The following GDI2 variants were observed in gnomAD, a reference collection of about 807,000 sequenced individuals.
GDI2 encodes rab GDP dissociation inhibitor beta.
In GDI2, 22 loss-of-function variants were observed where a neutral mutation model predicts 54.2. The observed-to-expected ratio is 0.41, with a 90% CI of 0.29 to 0.58. GDI2 has a LOEUF of 0.58. Ranked by LOEUF, GDI2 falls within the 20% of genes least tolerant of loss-of-function variation. The pLI is 0.35. For synonymous variants in GDI2, 177 were observed against 182.1 expected (o/e 0.97, Z 0.23); for missense variants, 422 against 546.0 (o/e 0.77, Z 2.26).
chr10:5,809,783 A>G (rs1841450635), intron 1 of GDI2, among the ~76,000 whole-genome samples: 1 of 152,226 alleles, frequency 6.6e-6, no homozygotes, highest in South Asian at 2.1e-4. Context: ...GGGAAGACAG[A>G]GGTAATTGCA....
In GDI2 at chr10:5,768,113, T is replaced by A; in HGVS notation, c.991+100A>T. 1.1e-6 allele frequency: 1 copy of A among 950,820 alleles called. No individual in the cohort carries two copies. Among genetic ancestry groups the A allele is most frequent in the Non-Finnish European group, 1.6e-6 (1 of 611,740 alleles). 58.9% of individuals were successfully genotyped at this position (950,820 alleles called of 1,614,324 possible). The stretch of plus-strand genomic sequence containing the variant: ...TCCCCCATATGTAAACCAAGGTCTG[T>A]TCACTAATACAGCATACAAAATTAG... On this transcript the variant is annotated intron_variant, in intron 8 of 10. Transcript: ENST00000380191. The surrounding 1 kb of genome is among the most constrained non-coding windows in gnomAD (Gnocchi z 4.4).
chr10:5,812,203 T>C (rs1188576913), intron 1 of GDI2, among the ~76,000 whole-genome samples: 1 of 126,940 alleles, frequency 7.9e-6, no homozygotes, highest in Non-Finnish European at 1.7e-5. Flanking sequence ...AGATGAACAT[T>C]TAAAAAAAAA....
chr10:5,801,283 T>TGATGA (rs1172884202), intron 1 of GDI2, among the ~76,000 whole-genome samples: 2 of 152,160 alleles, frequency 1.3e-5, no homozygotes, highest in Admixed American at 1.3e-4. Context: ...ACACTTCCAC[T>TGATGA]GATGATGTAA....
rs537015151 is a variant in GDI2, at chr10:5,765,931, C to T, written c.*75G>A. 1.9e-6 allele frequency: 2 copies of T among 1,067,040 alleles called. No homozygotes were observed. The highest frequency in any genetic ancestry group is 3.2e-5 in the South Asian group (2 of 62,684). 66.1% of individuals were successfully genotyped at this position (1,067,040 alleles called of 1,614,324 possible). ...ATTTTCATTACAAAAGCAGGCCTTA[C>T]AATATTGATTTCATTATATGCATTA... On this transcript the variant is annotated 3_prime_UTR_variant, in exon 11 of 11. Transcript: ENST00000380191.
Position 5,813,191 on chromosome 10 carries a change from G to A in GDI2, c.45+23C>T, listed in dbSNP as rs748162519. 10 of 1,513,690 alleles carry A rather than the reference G, an allele frequency of 6.6e-6. No homozygotes were observed. The South Asian group carries it at 8.4e-5, about 13-fold the overall frequency. The allele number at this position is 1,513,690 out of a possible 1,614,324, so 93.8% of individuals were successfully genotyped here. A position where few individuals can be genotyped will look rare whatever the true frequency, so the allele number is the denominator to read the frequency against. On this transcript the variant is annotated intron_variant, in intron 1 of 10. Transcript: ENST00000380191. ...GCGCCCGCCCCGGCTGCTCAGCCCCGGCCCCTCAGCCCTGGCGCCCACCGT... is the reference window on the plus strand; with the variant it reads ...GCGCCCGCCCCGGCTGCTCAGCCCCAGCCCCTCAGCCCTGGCGCCCACCGT...
At chr10:5,813,127 G>T in intron 1 of GDI2, 87 bp downstream of exon 1, 1 of 771,060 alleles carries the variant, frequency 1.3e-6, no homozygotes, top group Non-Finnish European at 2.0e-6. Flanking sequence ...CGAGACCCCC[G>T]AGGAGCTGCG....
intron 1 of GDI2, among the ~76,000 whole-genome samples, 178 bp from the exon 2 acceptor site, chr10:5,800,883 T>G (rs1305546057): frequency 6.6e-6 from 1 of 152,198 alleles, no homozygotes; most frequent in African/African-American, 2.4e-5. Context: ...GTCTGTGGGC[T>G]CCTATGCATC....
At chr10:5,782,966 A>G (rs532265498) in intron 6 of GDI2, among the ~76,000 whole-genome samples, 159 of 152,354 alleles carry the variant, frequency 1.0e-3, no homozygotes, top group Non-Finnish European at 2.0e-3. Context: ...ATGCATCAAT[A>G]TGGATGAATC....
At chr10:5,778,350 A>AAT (rs1840673001) in intron 6 of GDI2, among the ~76,000 whole-genome samples, 1 of 152,250 alleles carries the variant, frequency 6.6e-6, no homozygotes, top group African/African-American at 2.4e-5. Context: ...GCAAAACTTA[A>AAT]ATAATATGGT....
chr10:5,774,569 G>A lies in GDI2; in HGVS notation c.720-628C>T, dbSNP rs181997350. Reference sequence around the variant, plus strand: ...ACCAATCACCGGAACAGTTCCTCTCGGCCGCAGCGGCTCTGCATCCATAGC... The same window carrying A: ...ACCAATCACCGGAACAGTTCCTCTCAGCCGCAGCGGCTCTGCATCCATAGC... On this transcript the variant is annotated intron_variant, in intron 6 of 10. Coordinates refer to ENST00000380191, the MANE Select transcript of GDI2 (RefSeq NM_001494.4). This position sits in a 1 kb window ranked among gnomAD's most constrained non-coding sequence, Gnocchi z 4.8. Among the ~76,000 whole-genome samples the A allele has an allele frequency of 9.2e-5, 14 of 152,034 alleles. 1 individual carries two copies. The highest frequency in any genetic ancestry group is 7.7e-4 in the East Asian group (4 of 5,168).
chr10:5,811,820 C>G, intron 1 of GDI2: 1 of 462,796 alleles, frequency 2.2e-6, no homozygotes, highest in Non-Finnish European at 3.9e-6. Flanking sequence ...TTGCATATAA[C>G]TATAAACAGA....
At chr10:5,767,050 A>C (rs1039981620) in intron 8 of GDI2, among the ~76,000 whole-genome samples, 1 of 152,244 alleles carries the variant, frequency 6.6e-6, no homozygotes, top group Non-Finnish European at 1.5e-5. Flanking sequence ...ACAGTAATGT[A>C]AAACTGCAGA....
At chr10:5,781,832 C>T (rs72772367) in intron 6 of GDI2, among the ~76,000 whole-genome samples, 2,561 of 151,842 alleles carry the variant, frequency 0.017, 23 homozygotes, top group Middle Eastern at 0.041. Flanking sequence ...TGTTCAATAA[C>T]GGCAAAACCC....
chr10:5,812,517 C>G (rs1034992304), intron 1 of GDI2, among the ~76,000 whole-genome samples: 1 of 152,160 alleles, frequency 6.6e-6, no homozygotes, highest in Non-Finnish European at 1.5e-5. Context: ...CGGCGAAGGT[C>G]AGGTGCGAAA....
intron 6 of GDI2, among the ~76,000 whole-genome samples, chr10:5,781,382 C>T (rs1840750370): frequency 6.6e-6 from 1 of 151,882 alleles, no homozygotes; most frequent in South Asian, 2.1e-4. Flanking sequence ...AATCCCAGCA[C>T]TTTGGGAGGC....
chr10:5,785,963 T>C lies in GDI2; in HGVS notation c.476A>G (p.Glu159Gly). 1 of 1,612,574 alleles carries C rather than the reference T, an allele frequency of 6.2e-7. No homozygotes were observed. The highest frequency in any genetic ancestry group is 8.5e-7 in the Non-Finnish European group (1 of 1,178,604). ...NFDEKDPRTFEGIDPKKTTMR... is the reference protein window; with the variant it reads ...NFDEKDPRTFGGIDPKKTTMR... ...TGTGGTCTTCTTAGGATCAATGCCT[T>C]CAAAAGTTCTTGGATCTTTTTCATC... Residue 159 changes from glutamate to glycine, a missense_variant, in exon 5 of 11, where the codon GAA becomes GGA. Transcript: ENST00000380191.
rs1308360719 is a variant in GDI2, at chr10:5,813,401, A to T, written c.-143T>A. On this transcript the variant is annotated 5_prime_UTR_variant, in exon 1 of 11. Transcript: ENST00000380191. ...AAAATGGAGCTGGCGACAAGGCGAGACCGACCGCCACCTCAGACGGGAAGA... is the reference window on the plus strand; with the variant it reads ...AAAATGGAGCTGGCGACAAGGCGAGTCCGACCGCCACCTCAGACGGGAAGA... 2.6e-6 allele frequency: 1 copy of T among 383,048 alleles called. No homozygotes were observed. The highest frequency in any genetic ancestry group is 2.2e-5 in the African/African-American group (1 of 44,686). The allele number at this position is 383,048 out of a possible 1,614,324, so 23.7% of individuals were successfully genotyped here. A position where few individuals can be genotyped will look rare whatever the true frequency, so the allele number is the denominator to read the frequency against.
chr10:5,791,945 G>A (rs181623309), intron 4 of GDI2, among the ~76,000 whole-genome samples: 68 of 151,728 alleles, frequency 4.5e-4, no homozygotes, highest in African/African-American at 1.6e-3. Flanking sequence ...AAAACATCTG[G>A]GATACTGTCT....
At chr10:5,801,768 CGGGA>C in intron 1 of GDI2, among the ~76,000 whole-genome samples, 1 of 152,232 alleles carries the variant, frequency 6.6e-6, no homozygotes, top group Non-Finnish European at 1.5e-5. Flanking sequence ...CCCAGCACTT[CGGGA>C]GGCCGAGGTG....
Sources: allele counts gnomAD v4.1 joint callset (sites outside exome capture counted in the v4.1 genomes callset), GRCh38; gene constraint gnomAD v4.1.1; non-coding constraint Gnocchi (gnomAD v3.1); transcripts MANE v1.5; gene names NCBI Gene and HGNC (gene_info 2026-07-23, HGNC 2026-07-21).